The following SPANXN1 variants were observed in gnomAD, a reference collection of about 807,000 sequenced individuals.
SPANXN1 encodes the protein SPANX family member N1, also known as sperm protein associated with the nucleus on the X chromosome N1.
Under a neutral mutation model 2.0 loss-of-function variants are expected in SPANXN1, and 1 was observed. The observed-to-expected ratio is 0.50, with a 90% CI of 0.18 to 2.36. The LOEUF is 2.36. Ranked by LOEUF, SPANXN1 falls within the 30% of genes most tolerant of loss-of-function variation. The pLI, the probability that SPANXN1 is intolerant of heterozygous loss-of-function variation, is 0.26. For synonymous variants in SPANXN1, 27 were observed against 21.3 expected (o/e 1.27, Z -0.74); for missense variants, 55 against 51.8 (o/e 1.06, Z -0.19).
At chrX:145,254,288 A>G (rs1556882832) in intron 1 of SPANXN1, among the ~76,000 whole-genome samples, 1 of 112,180 alleles carries the variant, frequency 8.9e-6, no homozygotes. Flanking sequence ...GAAGATAAGC[A>G]AAGCACTTCA....
chrX:145,253,200 T>C (rs377145527), intron 1 of SPANXN1, among the ~76,000 whole-genome samples: 1 of 111,192 alleles, frequency 9.0e-6, no homozygotes, highest in African/African-American at 3.3e-5. Flanking sequence ...GGTAGGCTTT[T>C]TCCCAGTGTC....
intron 1 of SPANXN1, among the ~76,000 whole-genome samples, chrX:145,253,488 G>T (rs1182910973): frequency 9.0e-6 from 1 of 110,660 alleles, no homozygotes; most frequent in Non-Finnish European, 1.9e-5. Flanking sequence ...TGTAAATGGA[G>T]GTCGATTTTG....
intron 1 of SPANXN1, among the ~76,000 whole-genome samples, 174 bp from the exon 2 acceptor site, chrX:145,255,497 T>C (rs112007025): frequency 0.13 from 14,050 of 109,918 alleles, 794 homozygotes; most frequent in Admixed American, 0.23. Flanking sequence ...ACCCTACCCA[T>C]GCTCCTCTTC....
chrX:145,253,155 G>C (rs1407456777), intron 1 of SPANXN1, among the ~76,000 whole-genome samples: 1 of 111,034 alleles, frequency 9.0e-6, no homozygotes, highest in Non-Finnish European at 1.9e-5. Context: ...TGATACCACA[G>C]ATGGGGCAAG....
intron 1 of SPANXN1, among the ~76,000 whole-genome samples, chrX:145,248,492 C>T: frequency 1.8e-5 from 2 of 111,803 alleles, no homozygotes; most frequent in Middle Eastern, 9.2e-3. Flanking sequence ...AGATGTACAG[C>T]CTGCTTAGTG....
At chrX:145,253,691 A>G (rs1409362403) in intron 1 of SPANXN1, among the ~76,000 whole-genome samples, 1 of 110,605 alleles carries the variant, frequency 9.0e-6, no homozygotes, top group Non-Finnish European at 1.9e-5. Flanking sequence ...TAGGGTCCCT[A>G]TTGGGTTGTG....
chrX:145,255,405 C>T (rs1379586368), intron 1 of SPANXN1, among the ~76,000 whole-genome samples: 1 of 111,360 alleles, frequency 9.0e-6, no homozygotes, highest in Non-Finnish European at 1.9e-5. Context: ...ACGGCCTGAA[C>T]CCCCATGGGA....
At chrX:145,254,961 C>A (rs782268015) in intron 1 of SPANXN1, among the ~76,000 whole-genome samples, 1 of 111,076 alleles carries the variant, frequency 9.0e-6, no homozygotes, top group Admixed American at 9.5e-5. Flanking sequence ...CTGCTTTTCG[C>A]TTTCTGGGTT....
At chrX:145,248,976 G>A (rs191678129) in intron 1 of SPANXN1, among the ~76,000 whole-genome samples, 2 of 111,540 alleles carry the variant, frequency 1.8e-5, no homozygotes, top group Non-Finnish European at 3.8e-5. Context: ...TGGAATCAGA[G>A]TTGTAACATG....
chrX:145,255,490 C>T (rs782084685), intron 1 of SPANXN1, among the ~76,000 whole-genome samples, 181 bp from the exon 2 acceptor site: 5 of 110,574 alleles, frequency 4.5e-5, no homozygotes, highest in African/African-American at 1.7e-4. Context: ...ACAGGTGACC[C>T]TACCCATGCT....
intron 1 of SPANXN1, among the ~76,000 whole-genome samples, chrX:145,252,961 A>T (rs1463092648): frequency 9.0e-6 from 1 of 111,311 alleles, no homozygotes; most frequent in Non-Finnish European, 1.9e-5. Flanking sequence ...CCGAGTAACT[A>T]GTTGTCCTAT....
intron 1 of SPANXN1, among the ~76,000 whole-genome samples, chrX:145,248,427 T>G (rs2070771098): frequency 8.9e-6 from 1 of 111,760 alleles, no homozygotes; most frequent in Admixed American, 9.5e-5. Context: ...AGGGACCACC[T>G]GCTATCCCAG....
intron 1 of SPANXN1, among the ~76,000 whole-genome samples, chrX:145,254,468 C>A (rs5966487): frequency 0.057 from 6,394 of 111,465 alleles, 459 homozygotes; most frequent in African/African-American, 0.2. Flanking sequence ...AGTGAGTTCT[C>A]CAGAGGGAAG....
rs1556883122 is a variant in SPANXN1 at position 145,255,844 on chromosome X, G to T, written c.*30G>T. On this transcript the variant is annotated 3_prime_UTR_variant, in exon 2 of 2. Coordinates refer to ENST00000370493, the MANE Select transcript of SPANXN1 (RefSeq NM_001009614.3). Reference sequence around the variant, plus strand: ...ACTCCATCAATCCAGTCCAAGAGGAGGAGGACGAAGGCCTAGACTCAGCTG... The same window carrying T: ...ACTCCATCAATCCAGTCCAAGAGGATGAGGACGAAGGCCTAGACTCAGCTG... 8.3e-7 allele frequency: 1 copy of T among 1,210,401 alleles called. No individual in the cohort carries two copies. Among genetic ancestry groups the T allele is most frequent in the African/African-American group, 1.7e-5 (1 of 57,357 alleles).
At chrX:145,248,323 G>A (rs2070770499) in intron 1 of SPANXN1, among the ~76,000 whole-genome samples, 1 of 111,251 alleles carries the variant, frequency 9.0e-6, no homozygotes, top group Admixed American at 9.6e-5. Flanking sequence ...CTGGACAGGG[G>A]AGTTTAGCCT....
intron 1 of SPANXN1, among the ~76,000 whole-genome samples, chrX:145,250,842 AC>A (rs1225371997): frequency 9.0e-6 from 1 of 111,109 alleles, no homozygotes; most frequent in Non-Finnish European, 1.9e-5. Context: ...TAGTTTATCT[AC>A]CCCCAGCAGC....
Position 145,255,871 on chromosome X carries a change from A to G in SPANXN1, c.*57A>G. ...AGGACGAAGGCCTAGACTCAGCTGA[A>G]GGATCTTCAAAGCAGGATGAAGACC... is the stretch of plus-strand genomic sequence containing the variant. On this transcript the variant is annotated 3_prime_UTR_variant, in exon 2 of 2. Transcript: ENST00000370493. 8.3e-7 allele frequency: 1 copy of G among 1,211,264 alleles called. No individual in the cohort carries two copies. The highest frequency in any genetic ancestry group is 2.3e-4 in the Middle Eastern group (1 of 4,332).
At chrX:145,253,570 A>G (rs1360919505) in intron 1 of SPANXN1, among the ~76,000 whole-genome samples, 1 of 111,254 alleles carries the variant, frequency 9.0e-6, no homozygotes, top group East Asian at 2.8e-4. Context: ...GGAAAAGATC[A>G]GGGGCGATAT....
At position 145,251,056 on chromosome X, in the gene SPANXN1, G is replaced by A. The variant is rs1180897229; in HGVS notation, c.75+3395G>A. Among the ~76,000 whole-genome samples, 5 of 112,063 alleles carry A rather than the reference G, an allele frequency of 4.5e-5. No homozygotes were observed. The South Asian group carries it at 1.5e-3, about 34-fold the overall frequency. On this transcript the variant is annotated intron_variant, in intron 1 of 1. Coordinates refer to ENST00000370493, the MANE Select transcript of SPANXN1 (RefSeq NM_001009614.3). ...TGTTGAGAGGCAGCATGGGGTGGGA[G>A]AACATTGGATTCTAGGAGTTTATTT...
Sources: allele counts gnomAD v4.1 joint callset (sites outside exome capture counted in the v4.1 genomes callset), GRCh38; gene constraint gnomAD v4.1.1; transcripts MANE v1.5; gene names NCBI Gene and HGNC (gene_info 2026-07-23, HGNC 2026-07-21).